PBX3: variants seen among roughly 807,000 people sequenced by gnomAD.
PBX3 encodes the protein pre-B-cell leukemia transcription factor 3.
In PBX3, 14 loss-of-function variants were observed where a neutral mutation model predicts 48.5. That is an observed-to-expected ratio of 0.29 (90% CI 0.19 to 0.45). The LOEUF (loss-of-function observed/expected upper bound fraction) is 0.45, where lower values mean the gene tolerates loss of function less well. Ranked by LOEUF, PBX3 falls within the 20% of genes least tolerant of loss-of-function variation. PBX3 has a pLI of 1.00. For synonymous variants in PBX3, 210 were observed against 200.3 expected, an observed-to-expected ratio of 1.05 and a Z score of -0.41; for missense variants, 386 against 546.7, an observed-to-expected ratio of 0.71 and a Z score of 2.93.
chr9:125,964,075 T>A (rs1309010867), intron 8 of PBX3, among the ~76,000 whole-genome samples: 1 of 152,194 alleles, frequency 6.6e-6, no homozygotes, highest in African/African-American at 2.4e-5. Flanking sequence ...GATATCCTTA[T>A]CAACATGATA....
intron 2 of PBX3, among the ~76,000 whole-genome samples, chr9:125,798,713 C>T (rs1837854535): frequency 6.6e-6 from 1 of 151,982 alleles, no homozygotes; most frequent in African/African-American, 2.4e-5. Flanking sequence ...CTTATGTCTT[C>T]CTGGTAACAC....
intron 5 of PBX3, among the ~76,000 whole-genome samples, chr9:125,939,893 G>A (rs1352606342): frequency 6.6e-6 from 1 of 152,152 alleles, no homozygotes; most frequent in Non-Finnish European, 1.5e-5. Context: ...TAAACATAAA[G>A]GAAAGAAAGG....
chr9:125,887,118 A>G (rs1840519967), intron 2 of PBX3, among the ~76,000 whole-genome samples: 1 of 152,186 alleles, frequency 6.6e-6, no homozygotes, highest in Non-Finnish European at 1.5e-5. Flanking sequence ...CCAACACAAG[A>G]TAAATAACCC....
chr9:125,848,560 A>G (rs1839492961), intron 2 of PBX3, among the ~76,000 whole-genome samples: 1 of 152,014 alleles, frequency 6.6e-6, no homozygotes, highest in South Asian at 2.1e-4. Context: ...TAACATTGTT[A>G]TGGTCAGTAG....
intron 2 of PBX3, among the ~76,000 whole-genome samples, chr9:125,905,675 A>G (rs770551487): frequency 5.9e-5 from 9 of 152,130 alleles, no homozygotes; most frequent in Middle Eastern, 3.4e-3. Context: ...ACTTGTGAAA[A>G]TTTATCAATT....
At chr9:125,764,266 ATTCT>A (rs967848023) in intron 2 of PBX3, among the ~76,000 whole-genome samples, 1 of 152,236 alleles carries the variant, frequency 6.6e-6, no homozygotes, top group African/African-American at 2.4e-5. Flanking sequence ...TTTGATAAAG[ATTCT>A]TTATCCTACA....
At chr9:125,888,454 TAA>T (rs1840553555) in intron 2 of PBX3, among the ~76,000 whole-genome samples, 1 of 152,158 alleles carries the variant, frequency 6.6e-6, no homozygotes, top group African/African-American at 2.4e-5. Flanking sequence ...CATTCAGGAT[TAA>T]GTCACTCTGC....
At chr9:125,854,851 A>C (rs892332799) in intron 2 of PBX3, among the ~76,000 whole-genome samples, 5 of 152,332 alleles carry the variant, frequency 3.3e-5, no homozygotes, top group African/African-American at 1.2e-4. Context: ...TATTTATTAC[A>C]GTTATGGCTT....
At chr9:125,916,325 C>T (rs970709379) in intron 3 of PBX3, among the ~76,000 whole-genome samples, 5 of 152,160 alleles carry the variant, frequency 3.3e-5, no homozygotes, top group African/African-American at 1.2e-4. Context: ...GAGCTTTTCC[C>T]TCCTATGCTG....
chr9:125,908,447 C>T (rs1254841444), intron 2 of PBX3, among the ~76,000 whole-genome samples: 5 of 152,000 alleles, frequency 3.3e-5, no homozygotes, highest in Non-Finnish European at 5.9e-5. Context: ...ACAAGGATTG[C>T]ATGGTTTGTG....
At position 125,966,471 on chromosome 9, in the gene PBX3, A is replaced by G. The variant is rs1842535636; in HGVS notation, c.*548A>G. 1.3e-5 allele frequency: 2 copies of G among 152,672 alleles called. No individual in the cohort carries two copies. Among genetic ancestry groups the G allele is most frequent in the African/African-American group, 4.8e-5 (2 of 41,442 alleles). 9.5% of individuals were successfully genotyped at this position (152,672 alleles called of 1,614,324 possible). A position where few individuals can be genotyped will look rare whatever the true frequency, so the allele number is the denominator to read the frequency against. On this transcript the variant is annotated 3_prime_UTR_variant, in exon 9 of 9. Transcript: ENST00000373489. ...TTTGTGTTCAGATCTCTTATGTTATAATTAGATCAGAGACTGGTAGCATCG... is the reference window on the plus strand; with the variant it reads ...TTTGTGTTCAGATCTCTTATGTTATGATTAGATCAGAGACTGGTAGCATCG...
chr9:125,805,387 T>G (rs1030971315), intron 2 of PBX3, among the ~76,000 whole-genome samples: 4 of 152,302 alleles, frequency 2.6e-5, no homozygotes, highest in African/African-American at 9.6e-5. Flanking sequence ...AATTTGGATT[T>G]TGTTCCATGC....
intron 2 of PBX3, among the ~76,000 whole-genome samples, chr9:125,892,373 C>T (rs188328470): frequency 2.6e-5 from 4 of 151,748 alleles, no homozygotes; most frequent in Admixed American, 2.6e-4. Context: ...GATAAATTTC[C>T]AAAATAAGTT....
intron 2 of PBX3, among the ~76,000 whole-genome samples, chr9:125,892,620 T>C (rs1311814107): frequency 1.3e-5 from 2 of 152,218 alleles, no homozygotes; most frequent in African/African-American, 4.8e-5. Context: ...AGGAAAAATA[T>C]ATGTATTCTT....
chr9:125,949,752 C>T (rs184781931), intron 5 of PBX3, among the ~76,000 whole-genome samples: 47 of 152,230 alleles, frequency 3.1e-4, no homozygotes, highest in Admixed American at 9.2e-4. Context: ...AAACAAGAGG[C>T]GTGACTATAG....
At chr9:125,838,488 C>G (rs1343638590) in intron 2 of PBX3, among the ~76,000 whole-genome samples, 1 of 152,144 alleles carries the variant, frequency 6.6e-6, no homozygotes, top group African/African-American at 2.4e-5. Flanking sequence ...TCCTTGGTAT[C>G]CACAAGAACG....
chr9:125,965,584 C>T (rs1842513806), intron 8 of PBX3, among the ~76,000 whole-genome samples: 1 of 152,228 alleles, frequency 6.6e-6, no homozygotes. Flanking sequence ...TCGATGCCAG[C>T]ATGGGCCTCG....
chr9:125,868,881 C>T (rs1840051175), intron 2 of PBX3, among the ~76,000 whole-genome samples: 1 of 152,090 alleles, frequency 6.6e-6, no homozygotes, highest in Non-Finnish European at 1.5e-5. Flanking sequence ...ACTTAAAACA[C>T]AGGTGTCTAA....
chr9:125,962,680 A>C (rs994452121), intron 7 of PBX3, among the ~76,000 whole-genome samples: 1 of 152,236 alleles, frequency 6.6e-6, no homozygotes, highest in African/African-American at 2.4e-5. Flanking sequence ...TGTATGAGAC[A>C]TAGAGAAAGT....
Sources: allele counts gnomAD v4.1 joint callset (sites outside exome capture counted in the v4.1 genomes callset), GRCh38; gene constraint gnomAD v4.1.1; transcripts MANE v1.5; gene names NCBI Gene and HGNC (gene_info 2026-07-23, HGNC 2026-07-21).